Variants in LRRC4C observed in about 807,000 individuals in gnomAD.
The protein encoded by LRRC4C is leucine-rich repeat-containing protein 4C.
A neutral mutation model predicts 33.6 loss-of-function variants in LRRC4C; 5 were observed. The observed-to-expected ratio is 0.15, with a 90% CI of 0.08 to 0.31. The LOEUF is 0.31. Ranked by LOEUF, LRRC4C falls within the 10% of genes least tolerant of loss-of-function variation. The probability of loss-of-function intolerance (pLI) is 1.00; values close to 1 mark genes in which losing one functional copy is unlikely to be tolerated. For synonymous variants in LRRC4C, 329 were observed against 302.0 expected (o/e 1.09, Z -0.93); for missense variants, 560 against 796.7 (o/e 0.70, Z 3.58).
intron 3 of LRRC4C, among the ~76,000 whole-genome samples, chr11:40,483,317 C>T (rs1467183266): frequency 6.6e-6 from 1 of 152,084 alleles, no homozygotes; most frequent in African/African-American, 2.4e-5. Flanking sequence ...AAAGAATTAT[C>T]CAGGGGCTAA....
At chr11:41,450,060 T>C (rs1955969410) in intron 1 of LRRC4C, among the ~76,000 whole-genome samples, 2 of 152,182 alleles carry the variant, frequency 1.3e-5, no homozygotes. Flanking sequence ...AAAATTAGGC[T>C]GAATACTAGA....
chr11:41,011,856 A>ATTATATTATAT (rs1400120925), intron 1 of LRRC4C, among the ~76,000 whole-genome samples: 2 of 147,444 alleles, frequency 1.4e-5, no homozygotes, highest in African/African-American at 5.0e-5. Flanking sequence ...ATTATGTTAC[A>ATTATATTATAT]TGTATTTTTG....
intron 4 of LRRC4C, among the ~76,000 whole-genome samples, chr11:40,304,923 T>G (rs1193026093): frequency 6.6e-6 from 1 of 151,998 alleles, no homozygotes; most frequent in East Asian, 1.9e-4. Flanking sequence ...TGCCACCATG[T>G]CCAGCTAATT....
chr11:40,678,599 G>A (rs954231299), intron 2 of LRRC4C, among the ~76,000 whole-genome samples: 1 of 152,064 alleles, frequency 6.6e-6, no homozygotes, highest in Non-Finnish European at 1.5e-5. Context: ...ATAGGGGTGG[G>A]TCTTCTCCTT....
chr11:41,128,875 C>G (rs1210275789), intron 1 of LRRC4C, among the ~76,000 whole-genome samples: 1 of 151,922 alleles, frequency 6.6e-6, no homozygotes, highest in East Asian at 1.9e-4. Flanking sequence ...TCTATCTGTA[C>G]TATTATTTAG....
intron 1 of LRRC4C, among the ~76,000 whole-genome samples, chr11:41,290,842 T>C (rs1271769572): frequency 6.6e-6 from 1 of 152,036 alleles, no homozygotes; most frequent in African/African-American, 2.4e-5. Flanking sequence ...AAGAAAAGAA[T>C]CATTATGAAC....
intron 4 of LRRC4C, among the ~76,000 whole-genome samples, chr11:40,246,686 A>G (rs1866365541): frequency 6.6e-6 from 1 of 152,172 alleles, no homozygotes; most frequent in Non-Finnish European, 1.5e-5. Flanking sequence ...AAATCATTCT[A>G]TACCCATGAG....
rs74584719 is a variant in LRRC4C at position 40,306,291 on chromosome 11, T to C, written c.-176+13337A>G. 3.0e-4 allele frequency among the ~76,000 whole-genome samples: 45 copies of C among 152,316 alleles called. No individual in the cohort carries two copies. The East Asian group carries it at 8.7e-3, about 29-fold the overall frequency. On this transcript the variant is annotated intron_variant, in intron 4 of 6. Coordinates refer to ENST00000528697, the MANE Select transcript of LRRC4C (RefSeq NM_001258419.2). ...TGTCAAAAGAAATCTCAAAATATGG[T>C]GTGACCTTGAACTAATTGCTTTCCC...
chr11:40,652,511 A>T (rs1942867900), intron 2 of LRRC4C, among the ~76,000 whole-genome samples: 1 of 152,216 alleles, frequency 6.6e-6, no homozygotes, highest in South Asian at 2.1e-4. Context: ...GCTCAGAGAA[A>T]GTAGTGTTTA....
At chr11:40,208,237 A>G (rs1863303960) in intron 5 of LRRC4C, among the ~76,000 whole-genome samples, 1 of 152,190 alleles carries the variant, frequency 6.6e-6, no homozygotes, top group Non-Finnish European at 1.5e-5. Context: ...GAAAAGTCAA[A>G]ACACTACAAA....
intron 2 of LRRC4C, among the ~76,000 whole-genome samples, chr11:40,877,652 G>A (rs965962278): frequency 5.9e-5 from 9 of 152,126 alleles, no homozygotes; most frequent in African/African-American, 2.2e-4. Flanking sequence ...ACCGTAAAGG[G>A]CTTCTTAGAT....
chr11:40,273,443 A>G (rs999263287), intron 4 of LRRC4C, among the ~76,000 whole-genome samples: 3 of 152,114 alleles, frequency 2.0e-5, no homozygotes, highest in African/African-American at 7.2e-5. Context: ...GACTCTTAAC[A>G]GGGACACAAA....
rs371413523 is a variant in LRRC4C at position 40,584,177 on chromosome 11, CATATAT to C, written c.-270+63959_-270+63964del. Among the ~76,000 whole-genome samples, 210 of 71,276 alleles carry C rather than the reference CATATAT, an allele frequency of 2.9e-3. 18 individuals carry two copies. The highest frequency in any genetic ancestry group is 4.3e-3 in the Non-Finnish European group (161 of 37,420). 46.8% of individuals were successfully genotyped at this position (71,276 alleles called of 152,430 possible). A position where few individuals can be genotyped will look rare whatever the true frequency, so the allele number is the denominator to read the frequency against. ...AGTATACACACACACACGCACACTT[CATATAT>C]ATATATATATATATATATATATGAA... On this transcript the variant is annotated intron_variant, in intron 3 of 6. Transcript: ENST00000528697.
At chr11:40,733,300 C>A (rs542502455) in intron 2 of LRRC4C, among the ~76,000 whole-genome samples, 1 of 152,000 alleles carries the variant, frequency 6.6e-6, no homozygotes, top group African/African-American at 2.4e-5. Flanking sequence ...TGGTCTTGAT[C>A]TCCTGACCTC....
chr11:41,235,315 C>T (rs1947972071), intron 1 of LRRC4C, among the ~76,000 whole-genome samples: 1 of 141,152 alleles, frequency 7.1e-6, no homozygotes, highest in Admixed American at 6.9e-5. Flanking sequence ...ACTCTCACTT[C>T]TATACTCATT....
intron 2 of LRRC4C, among the ~76,000 whole-genome samples, chr11:40,912,624 A>C (rs957083501): frequency 4.6e-5 from 7 of 152,236 alleles, no homozygotes; most frequent in Non-Finnish European, 1.0e-4. Flanking sequence ...AAGGCTAGGA[A>C]GAAACTGCAT....
At chr11:40,156,693 G>C (rs1368837688) in intron 5 of LRRC4C, among the ~76,000 whole-genome samples, 1 of 151,640 alleles carries the variant, frequency 6.6e-6, no homozygotes, top group Non-Finnish European at 1.5e-5. Flanking sequence ...ACAACACTTA[G>C]AATATACCTA....
At chr11:40,549,530 A>T (rs1957055482) in intron 3 of LRRC4C, among the ~76,000 whole-genome samples, 1 of 152,230 alleles carries the variant, frequency 6.6e-6, no homozygotes, top group African/African-American at 2.4e-5. Context: ...ATGTTCAAGT[A>T]TAAATGTACA....
chr11:40,846,716 G>A (rs1432121098), intron 2 of LRRC4C, among the ~76,000 whole-genome samples: 1 of 152,088 alleles, frequency 6.6e-6, no homozygotes, highest in East Asian at 1.9e-4. Flanking sequence ...TAGCGTGATG[G>A]GAATAGCATT....
Sources: allele counts gnomAD v4.1 joint callset (sites outside exome capture counted in the v4.1 genomes callset), GRCh38; gene constraint gnomAD v4.1.1; transcripts MANE v1.5; gene names NCBI Gene and HGNC (gene_info 2026-07-23, HGNC 2026-07-21).